The following PLD1 variants were observed in gnomAD, a reference collection of about 807,000 sequenced individuals.
PLD1 encodes the protein phospholipase D1.
In PLD1, 112 loss-of-function variants were observed where a neutral mutation model predicts 137.1. The observed-to-expected ratio is 0.82, with a 90% confidence interval of 0.70 to 0.96. PLD1 has a LOEUF of 0.96. Among genes scored for constraint, PLD1 ranks in the 40% least tolerant of loss-of-function variants. PLD1 has a pLI of 0.00. For synonymous variants in PLD1, 431 were observed against 454.7 expected, an observed-to-expected ratio of 0.95 and a Z score of 0.66; for missense variants, 1,321 against 1,342.0, an observed-to-expected ratio of 0.98 and a Z score of 0.24.
At chr3:171,778,388 TAAAAC>T (rs1356673453) in intron 1 of PLD1, among the ~76,000 whole-genome samples, 1 of 152,132 alleles carries the variant, frequency 6.6e-6, no homozygotes, top group African/African-American at 2.4e-5. Context: ...TATCAAAAAT[TAAAAC>T]AAATATATAT....
chr3:171,798,548 AAGAG>A (rs1332270628), intron 1 of PLD1, among the ~76,000 whole-genome samples: 4 of 152,252 alleles, frequency 2.6e-5, no homozygotes, highest in Non-Finnish European at 4.4e-5. Flanking sequence ...TAGCATGAGA[AAGAG>A]AGAAAGACTG....
intron 12 of PLD1, among the ~76,000 whole-genome samples, chr3:171,692,677 C>T (rs951373678): frequency 2.0e-5 from 3 of 152,184 alleles, no homozygotes; most frequent in Non-Finnish European, 4.4e-5. Flanking sequence ...CATGCCACCA[C>T]GCCCAGTTAA....
chr3:171,694,291 G>A (rs1447154422), intron 12 of PLD1, among the ~76,000 whole-genome samples: 2 of 151,950 alleles, frequency 1.3e-5, no homozygotes, highest in Non-Finnish European at 2.9e-5. Context: ...TTAACAGCTG[G>A]CTTTTAGTAC....
chr3:171,783,589 T>G (rs370083330), intron 1 of PLD1, among the ~76,000 whole-genome samples: 5 of 152,102 alleles, frequency 3.3e-5, no homozygotes, highest in Admixed American at 2.0e-4. Flanking sequence ...TTGACTCCTG[T>G]TTTTTTTATT....
chr3:171,737,780 C>G, intron 2 of PLD1, 112 bp downstream of exon 2: 1 of 1,341,424 alleles, frequency 7.5e-7, no homozygotes, highest in Non-Finnish European at 1.0e-6. Context: ...GATCTGAGCC[C>G]GGTGTTACAT....
intron 1 of PLD1, among the ~76,000 whole-genome samples, chr3:171,788,292 T>A (rs1422570462): frequency 4.0e-5 from 6 of 148,184 alleles, no homozygotes; most frequent in African/African-American, 1.5e-4. Context: ...AAAGGAGTAT[T>A]TCTGGGCTGG....
At chr3:171,667,150 T>C (rs1161540276) in intron 19 of PLD1, among the ~76,000 whole-genome samples, 1 of 152,174 alleles carries the variant, frequency 6.6e-6, no homozygotes, top group African/African-American at 2.4e-5. Context: ...CAAAGACTAT[T>C]TAGGACAAAA....
At chr3:171,694,443 C>G (rs1338524179) in intron 12 of PLD1, among the ~76,000 whole-genome samples, 2 of 151,838 alleles carry the variant, frequency 1.3e-5, no homozygotes, top group African/African-American at 4.8e-5. Context: ...TGTAATTAAC[C>G]ACTGATGAAG....
chr3:171,663,470 C>T (rs1711734756), intron 19 of PLD1, among the ~76,000 whole-genome samples: 1 of 152,070 alleles, frequency 6.6e-6, no homozygotes, highest in Non-Finnish European at 1.5e-5. Flanking sequence ...AAGTGAATTA[C>T]CGTGAAATGT....
At chr3:171,763,278 C>T (rs1721528400) in intron 1 of PLD1, among the ~76,000 whole-genome samples, 1 of 151,464 alleles carries the variant, frequency 6.6e-6, no homozygotes, top group Non-Finnish European at 1.5e-5. Context: ...TGCTATAGAC[C>T]AGGCATGGTG....
chr3:171,664,001 G>A (rs149835064), intron 19 of PLD1, among the ~76,000 whole-genome samples: 90 of 152,006 alleles, frequency 5.9e-4, no homozygotes, highest in African/African-American at 2.1e-3. Context: ...ACTAAAAATC[G>A]CTGACTGTGC....
At chr3:171,694,065 ACCC>A (rs1715459007) in intron 12 of PLD1, among the ~76,000 whole-genome samples, 1 of 152,122 alleles carries the variant, frequency 6.6e-6, no homozygotes, top group Non-Finnish European at 1.5e-5. Flanking sequence ...CACGTTTTGG[ACCC>A]TAAATTCCTT....
chr3:171,702,312 C>T (rs985813774), intron 11 of PLD1, among the ~76,000 whole-genome samples: 1 of 151,752 alleles, frequency 6.6e-6, no homozygotes, highest in South Asian at 2.1e-4. Flanking sequence ...ATAGCAAGAC[C>T]CTGTCTCTAC....
At chr3:171,659,997 T>A (rs1456453914) in intron 20 of PLD1, among the ~76,000 whole-genome samples, 1 of 152,222 alleles carries the variant, frequency 6.6e-6, no homozygotes, top group Non-Finnish European at 1.5e-5. Context: ...ATCATAACAA[T>A]GCAAAATATT....
chr3:171,698,830 G>T (rs1201104520), intron 12 of PLD1, among the ~76,000 whole-genome samples: 1 of 122,016 alleles, frequency 8.2e-6, no homozygotes, highest in South Asian at 2.5e-4. Flanking sequence ...AAAAAAAAAA[G>T]CCAGGCATGG....
intron 23 of PLD1, among the ~76,000 whole-genome samples, chr3:171,620,742 C>CTCTCTCTCTCTCTATATA (rs1473647659): frequency 1.1e-5 from 1 of 94,794 alleles, no homozygotes; most frequent in Non-Finnish European, 2.0e-5. Flanking sequence ...CTCTCTCTCT[C>CTCTCTCTCTCTCTATATA]TATATATATA....
intron 21 of PLD1, among the ~76,000 whole-genome samples, chr3:171,647,606 C>T (rs1265619122): frequency 6.6e-6 from 1 of 152,044 alleles, no homozygotes; most frequent in Non-Finnish European, 1.5e-5. Context: ...TGCACCACCA[C>T]GCCCAGGTAA....
At chr3:171,734,283 C>G (rs892757524) in intron 5 of PLD1, among the ~76,000 whole-genome samples, 1 of 152,168 alleles carries the variant, frequency 6.6e-6, no homozygotes, top group Non-Finnish European at 1.5e-5. Context: ...CAAAACAGAA[C>G]TGACAGAAAT....
At chr3:171,731,787 A>G (rs369292957) in intron 6 of PLD1, among the ~76,000 whole-genome samples, 7 of 152,294 alleles carry the variant, frequency 4.6e-5, no homozygotes, top group Admixed American at 4.6e-4. Context: ...AGAAAAAAAA[A>G]AGAAAATGAG....
Sources: gnomAD v4.1 joint callset for allele counts (sites outside exome capture counted in the v4.1 genomes callset) on GRCh38, gnomAD v4.1.1 for gene constraint, MANE v1.5 for transcripts, NCBI Gene and HGNC (gene_info 2026-07-23, HGNC 2026-07-21) for gene names.